KIAA0586: variants seen among roughly 807,000 people sequenced by gnomAD.
KIAA0586 encodes KIAA0586, also known as protein TALPID3.
In KIAA0586, 144 loss-of-function variants were observed where a neutral mutation model predicts 169.8. That is an observed-to-expected ratio of 0.85 (90% CI 0.74 to 0.97). The LOEUF is 0.97. Among genes scored for constraint, KIAA0586 ranks in the 50% least tolerant of loss-of-function variants. The pLI is 0.00. For synonymous variants in KIAA0586, 625 were observed against 612.4 expected (o/e 1.02, Z -0.30); for missense variants, 1,854 against 1,823.0 (o/e 1.02, Z -0.31).
At chr14:58,493,497 C>T (rs1014907348) in intron 26 of KIAA0586, among the ~76,000 whole-genome samples, 1 of 152,102 alleles carries the variant, frequency 6.6e-6, no homozygotes, top group African/African-American at 2.4e-5. Context: ...TTCGCATGAA[C>T]AAATGTCAAC....
intron 4 of KIAA0586, among the ~76,000 whole-genome samples, chr14:58,441,616 TAC>T (rs748228082): frequency 9.9e-5 from 15 of 152,124 alleles, no homozygotes; most frequent in Admixed American, 3.3e-4. Context: ...CACAGTCAGT[TAC>T]AGACCAAACT....
At chr14:58,513,425 G>A (rs148860513) in intron 29 of KIAA0586, among the ~76,000 whole-genome samples, 2,224 of 151,974 alleles carry the variant, frequency 0.015, 30 homozygotes, top group Non-Finnish European at 0.022. Flanking sequence ...GTATAATTGC[G>A]AATGTAACTA....
chr14:58,553,232 T>C (rs139851907), downstream of KIAA0586, among the ~76,000 whole-genome samples: 281 of 152,346 alleles, frequency 1.8e-3, 1 homozygote, highest in African/African-American at 6.3e-3. Flanking sequence ...CTAAAGTATA[T>C]AGAAGATGTT....
Position 58,548,012 on chromosome 14 carries a change from C to A in KIAA0586, c.*80C>A. Reference sequence around the variant, plus strand: ...CCTTGGCTTAAAACCCTCTCTCAGACTGTTTGGTTTTTGAGCATATTCTGA... The same window carrying A: ...CCTTGGCTTAAAACCCTCTCTCAGAATGTTTGGTTTTTGAGCATATTCTGA... On this transcript the variant is annotated 3_prime_UTR_variant, in exon 31 of 31. Transcript: ENST00000652326. 6.8e-7 allele frequency: 1 copy of A among 1,473,066 alleles called. No individual in the cohort carries two copies. Among genetic ancestry groups the A allele is most frequent in the Non-Finnish European group, 9.1e-7 (1 of 1,095,074 alleles). The allele number at this position is 1,473,066 out of a possible 1,614,324, so 91.2% of individuals were successfully genotyped here.
Position 58,549,464 on chromosome 14 carries a change from A to T in KIAA0586, c.*1532A>T, listed in dbSNP as rs2140164283. On this transcript the variant is annotated 3_prime_UTR_variant, in exon 31 of 31. Transcript: ENST00000652326. ...CCATTGCCTGGGGATTTTTTTTCTC[A>T]CTGAACATAGAAGCTGCAAGAGTCT... 1 of 152,050 alleles carries T rather than the reference A, an allele frequency of 6.6e-6. No homozygotes were observed. Among genetic ancestry groups the T allele is most frequent in the East Asian group, 1.9e-4 (1 of 5,180 alleles). The allele number at this position is 152,050 out of a possible 1,614,324, so 9.4% of individuals were successfully genotyped here. A position where few individuals can be genotyped will look rare whatever the true frequency, so the allele number is the denominator to read the frequency against.
At chr14:58,516,052 G>C (rs1423306168) in intron 29 of KIAA0586, among the ~76,000 whole-genome samples, 1 of 152,140 alleles carries the variant, frequency 6.6e-6, no homozygotes, top group Non-Finnish European at 1.5e-5. Flanking sequence ...ATGGTTACAG[G>C]AAGAGACACC....
At chr14:58,434,216 CATA>C (rs551567302) in intron 4 of KIAA0586, among the ~76,000 whole-genome samples, 6 of 152,082 alleles carry the variant, frequency 3.9e-5, no homozygotes, top group Non-Finnish European at 8.8e-5. Flanking sequence ...AAAAAGAGGA[CATA>C]ATGATAGACT....
chr14:58,499,833 A>G (rs1224766616), intron 27 of KIAA0586, among the ~76,000 whole-genome samples: 1 of 152,242 alleles, frequency 6.6e-6, no homozygotes, highest in Non-Finnish European at 1.5e-5. Flanking sequence ...TGCTGGGATT[A>G]CAGGCATGAG....
chr14:58,444,568 C>T (rs1395429018), intron 6 of KIAA0586, among the ~76,000 whole-genome samples: 5 of 151,970 alleles, frequency 3.3e-5, no homozygotes, highest in South Asian at 2.1e-4. Context: ...GGATTACAGG[C>T]GCACACCACC....
Position 58,548,023 on chromosome 14 carries a change from T to C in KIAA0586, c.*91T>C, listed in dbSNP as rs751995700. The C allele has an allele frequency of 2.8e-6, 4 of 1,418,032 alleles. No homozygotes were observed. The highest frequency in any genetic ancestry group is 3.8e-6 in the Non-Finnish European group (4 of 1,054,830). 87.8% of individuals were successfully genotyped at this position (1,418,032 alleles called of 1,614,324 possible). ...AACCCTCTCTCAGACTGTTTGGTTT[T>C]TGAGCATATTCTGAAAAAAAAATTC... is the stretch of plus-strand genomic sequence containing the variant. On this transcript the variant is annotated 3_prime_UTR_variant, in exon 31 of 31. Transcript: ENST00000652326.
intron 29 of KIAA0586, among the ~76,000 whole-genome samples, chr14:58,536,032 A>G (rs1176953710): frequency 1.3e-5 from 2 of 152,144 alleles, no homozygotes; most frequent in Non-Finnish European, 2.9e-5. Flanking sequence ...GTCAGAAAGT[A>G]AGCTTTGAAG....
chr14:58,507,054 A>G (rs1043886131), intron 27 of KIAA0586, among the ~76,000 whole-genome samples: 2 of 151,770 alleles, frequency 1.3e-5, no homozygotes, highest in Admixed American at 6.6e-5. Flanking sequence ...ATGCTGAGGT[A>G]GAAGAATCAC....
intron 30 of KIAA0586, among the ~76,000 whole-genome samples, chr14:58,541,907 A>G (rs2046657783): frequency 6.6e-6 from 1 of 152,208 alleles, no homozygotes; most frequent in Non-Finnish European, 1.5e-5. Flanking sequence ...TGAAACAATT[A>G]CATCATAGAG....
intron 17 of KIAA0586, among the ~76,000 whole-genome samples, chr14:58,470,944 C>T (rs1045282828): frequency 3.3e-5 from 5 of 152,134 alleles, no homozygotes; most frequent in African/African-American, 7.2e-5. Flanking sequence ...CTCCGCCTCC[C>T]GGGTTCAACC....
At chr14:58,499,148 A>G (rs908779877) in intron 27 of KIAA0586, among the ~76,000 whole-genome samples, 188 bp downstream of exon 27, 1 of 152,210 alleles carries the variant, frequency 6.6e-6, no homozygotes, top group Non-Finnish European at 1.5e-5. Context: ...TGTGATTCAT[A>G]TATCAGTGTT....
At chr14:58,504,181 G>T (rs1211590570) in intron 27 of KIAA0586, among the ~76,000 whole-genome samples, 1 of 152,160 alleles carries the variant, frequency 6.6e-6, no homozygotes, top group Non-Finnish European at 1.5e-5. Context: ...GTTAAGACTG[G>T]AGGCAAGGAG....
intron 29 of KIAA0586, chr14:58,520,955 A>G: frequency 4.8e-6 from 1 of 210,292 alleles, no homozygotes; most frequent in Non-Finnish European, 9.5e-6. Context: ...TACATAAAGT[A>G]CCATAGAAAG....
chr14:58,442,487 C>T (rs1350649659), intron 4 of KIAA0586, among the ~76,000 whole-genome samples: 1 of 151,998 alleles, frequency 6.6e-6, no homozygotes, highest in African/African-American at 2.4e-5. Context: ...TCTTATTTTC[C>T]AAAATAATAT....
chr14:58,459,832 G>A lies in KIAA0586; in HGVS notation c.1657-11G>A. On this transcript the variant is annotated splice_polypyrimidine_tract_variant and intron_variant, in intron 12 of 30. Coordinates refer to ENST00000652326, the MANE Select transcript of KIAA0586 (RefSeq NM_001329943.3). ...GACATTTTAAGTAATTTTAACTTTG[G>A]TTATGTTAAGGATGAACTGTCAAGA... The A allele has an allele frequency of 1.4e-6, 2 of 1,415,562 alleles. No homozygotes were observed. The highest frequency in any genetic ancestry group is 2.5e-5 in the East Asian group (1 of 40,018). 87.7% of individuals were successfully genotyped at this position (1,415,562 alleles called of 1,614,324 possible).
Sources: allele counts gnomAD v4.1 joint callset (sites outside exome capture counted in the v4.1 genomes callset), GRCh38; gene constraint gnomAD v4.1.1; transcripts MANE v1.5; gene names NCBI Gene and HGNC (gene_info 2026-07-23, HGNC 2026-07-21).